The following PPARGC1A variants were observed in gnomAD, a reference collection of about 807,000 sequenced individuals.
PPARGC1A encodes peroxisome proliferator-activated receptor gamma coactivator 1-alpha.
A neutral mutation model predicts 88.7 loss-of-function variants in PPARGC1A; 25 were observed. The observed-to-expected ratio is 0.28, with a 90% confidence interval of 0.21 to 0.39. PPARGC1A has a LOEUF of 0.39. Ranked by LOEUF, PPARGC1A falls within the 10% of genes least tolerant of loss-of-function variation. The probability of loss-of-function intolerance (pLI) is 1.00; values close to 1 mark genes in which losing one functional copy is unlikely to be tolerated. For synonymous variants in PPARGC1A, 363 were observed against 355.6 expected (o/e 1.02, Z -0.24); for missense variants, 880 against 968.7 (o/e 0.91, Z 1.22).
At chr4:23,861,452 A>G (rs958193390) in intron 2 of PPARGC1A, among the ~76,000 whole-genome samples, 1 of 152,178 alleles carries the variant, frequency 6.6e-6, no homozygotes, top group Non-Finnish European at 1.5e-5. Flanking sequence ...TCCTTCATTC[A>G]CCAGCTACTG....
chr4:24,102,877 C>T, the PPARGC1A span, among the ~76,000 whole-genome samples: 1 of 152,132 alleles, frequency 6.6e-6, no homozygotes, highest in Non-Finnish European at 1.5e-5. Context: ...GGCTGCCATC[C>T]CACTGAAAAC....
chr4:24,112,870 G>A, the PPARGC1A span, among the ~76,000 whole-genome samples: 2 of 152,122 alleles, frequency 1.3e-5, no homozygotes, highest in Admixed American at 6.5e-5. Flanking sequence ...CAGAGACCAC[G>A]CTATGGCTAG....
At chr4:24,429,796 C>T in the PPARGC1A span, among the ~76,000 whole-genome samples, 2 of 151,918 alleles carry the variant, frequency 1.3e-5, no homozygotes, top group Non-Finnish European at 2.9e-5. Context: ...AGATCACAGG[C>T]ACCCGCCACC....
chr4:23,860,709 G>T (rs1731101396), intron 2 of PPARGC1A, among the ~76,000 whole-genome samples: 1 of 152,062 alleles, frequency 6.6e-6, no homozygotes, highest in South Asian at 2.1e-4. Flanking sequence ...AAATACCTCA[G>T]CAAGAAGCCA....
the PPARGC1A span, among the ~76,000 whole-genome samples, chr4:24,111,717 A>G: frequency 5.9e-5 from 9 of 152,336 alleles, no homozygotes; most frequent in East Asian, 1.7e-3. Flanking sequence ...AGCTAATTGC[A>G]TGCTTAGGAG....
At chr4:24,267,349 G>A in the PPARGC1A span, among the ~76,000 whole-genome samples, 8 of 152,232 alleles carry the variant, frequency 5.3e-5, no homozygotes, top group African/African-American at 1.9e-4. Flanking sequence ...GCCCCAGCAG[G>A]GAACCAAAGC....
At chr4:23,853,386 G>T (rs1241341139) in intron 2 of PPARGC1A, among the ~76,000 whole-genome samples, 1 of 152,102 alleles carries the variant, frequency 6.6e-6, no homozygotes, top group Non-Finnish European at 1.5e-5. Context: ...ACTATTACTT[G>T]TTAAAGAAAT....
At chr4:24,234,817 T>C in the PPARGC1A span, among the ~76,000 whole-genome samples, 1 of 152,356 alleles carries the variant, frequency 6.6e-6, no homozygotes, top group South Asian at 2.1e-4. Flanking sequence ...CTCGTCATAC[T>C]AATTGGGCAA....
chr4:23,820,835 A>G (rs1488850730), intron 7 of PPARGC1A, among the ~76,000 whole-genome samples: 1 of 152,090 alleles, frequency 6.6e-6, no homozygotes, highest in Admixed American at 6.6e-5. Context: ...ATTTCCACTT[A>G]AACATTTGGA....
At chr4:24,387,854 G>T in the PPARGC1A span, among the ~76,000 whole-genome samples, 1 of 129,754 alleles carries the variant, frequency 7.7e-6, no homozygotes, top group Non-Finnish European at 1.6e-5. Context: ...GAGAGAAAGA[G>T]AGAAAGAGAG....
In PPARGC1A at chr4:23,849,650, C is replaced by A. The variant is rs1020747507; in HGVS notation, c.235-17899G>T. On this transcript the variant is annotated intron_variant, in intron 2 of 12. Coordinates refer to ENST00000264867, the MANE Select transcript of PPARGC1A (RefSeq NM_013261.5). The stretch of plus-strand genomic sequence containing the variant: ...AAAAATAAGACTAGAGAGAATAGAA[C>A]CTTTAGTAAATATAGCAAGCATTTT... Among the ~76,000 whole-genome samples the A allele has an allele frequency of 3.2e-4, 48 of 152,008 alleles. 1 individual carries two copies. Among genetic ancestry groups the A allele is most frequent in the Admixed American group, 2.0e-3 (30 of 15,262 alleles).
chr4:23,957,947 A>T, the PPARGC1A span, among the ~76,000 whole-genome samples: 1 of 152,098 alleles, frequency 6.6e-6, no homozygotes, highest in Non-Finnish European at 1.5e-5. Context: ...TATAGAGTCC[A>T]TTTGGGGCCT....
At chr4:24,370,015 A>G in the PPARGC1A span, among the ~76,000 whole-genome samples, 3 of 152,210 alleles carry the variant, frequency 2.0e-5, no homozygotes, top group African/African-American at 4.8e-5. Context: ...CTTGGGGATA[A>G]TAAGCCTCTA....
At chr4:24,163,829 T>G in the PPARGC1A span, among the ~76,000 whole-genome samples, 1 of 152,208 alleles carries the variant, frequency 6.6e-6, no homozygotes, top group South Asian at 2.1e-4. Flanking sequence ...ACCACTCTGT[T>G]AGGCTGTGTT....
the PPARGC1A span, among the ~76,000 whole-genome samples, chr4:24,427,369 C>T: frequency 2.1e-3 from 322 of 151,830 alleles, no homozygotes; most frequent in Middle Eastern, 0.01. Flanking sequence ...CAACCTCCAC[C>T]TCCTGGGCTC....
chr4:24,319,596 A>C, the PPARGC1A span, among the ~76,000 whole-genome samples: 1 of 152,230 alleles, frequency 6.6e-6, no homozygotes, highest in Non-Finnish European at 1.5e-5. Flanking sequence ...CGGGCTTTTA[A>C]CATAACACAG....
chr4:23,828,559 G>C lies in PPARGC1A; in HGVS notation c.598C>G (p.Gln200Glu), dbSNP rs75539280. 1.2e-6 allele frequency: 2 copies of C among 1,614,104 alleles called. No individual in the cohort carries two copies. The highest frequency in any genetic ancestry group is 1.7e-6 in the Non-Finnish European group (2 of 1,179,996). The change falls in exon 5 of 13, where the codon CAA (glutamine) becomes GAA (glutamate). Residue 200 changes from glutamine (Q) to glutamate (E), a missense_variant. Physicochemically the swap from Gln to Glu is conservative, Grantham distance 29 (BLOSUM62 2). Transcript: ENST00000264867. Reference sequence around the variant, plus strand: ...GAGCAGGGACGTCTTTGTGGCTTTTGCTGTTGACAAATACTCTTCGCTTTA... The same window carrying C: ...GAGCAGGGACGTCTTTGTGGCTTTTCCTGTTGACAAATACTCTTCGCTTTA... The part of the protein sequence containing the change: ...SNKAKSICQQ[Q>E]KPQRRPCSEL...
the PPARGC1A span, among the ~76,000 whole-genome samples, chr4:24,412,519 T>C: frequency 1.3e-5 from 2 of 152,236 alleles, no homozygotes; most frequent in South Asian, 4.1e-4. Context: ...TCACTCTTGT[T>C]GCCCATGCTG....
At chr4:24,437,456 A>G in the PPARGC1A span, among the ~76,000 whole-genome samples, 1 of 152,174 alleles carries the variant, frequency 6.6e-6, no homozygotes, top group African/African-American at 2.4e-5. Flanking sequence ...TCCAAGATTT[A>G]GAAGGGAGAC....
Sources: allele counts gnomAD v4.1 joint callset (sites outside exome capture counted in the v4.1 genomes callset), GRCh38; gene constraint gnomAD v4.1.1; transcripts MANE v1.5; gene names NCBI Gene and HGNC (gene_info 2026-07-23, HGNC 2026-07-21).